Variants in XG observed in about 807,000 individuals in gnomAD.
XG encodes the protein glycoprotein Xg.
XG carries 24 observed loss-of-function variants against 25.7 expected under a neutral mutation model. The ratio of observed to expected loss-of-function variants is 0.93; its 90% CI spans 0.68 to 1.31. The LOEUF (loss-of-function observed/expected upper bound fraction) is 1.31, where lower values mean the gene tolerates loss of function less well. Ranked by LOEUF, XG falls within the 40% of genes most tolerant of loss-of-function variation. The pLI, the probability that XG is intolerant of heterozygous loss-of-function variation, is 0.00. For missense variants in XG, 181 were observed against 187.6 expected (o/e 0.96, Z 0.21); for synonymous variants, 77 against 69.2 (o/e 1.11, Z -0.56).
intron 3 of XG, among the ~76,000 whole-genome samples, chrX:2,775,975 A>ATT (rs2050976348): frequency 6.7e-6 from 1 of 148,156 alleles, no homozygotes; most frequent in Non-Finnish European, 1.5e-5. Context: ...AAAAAAAAGA[A>ATT]AAGAAAAGAA....
intron 1 of XG, among the ~76,000 whole-genome samples, chrX:2,758,856 C>G (rs1203302227): frequency 6.6e-6 from 1 of 152,192 alleles, no homozygotes; most frequent in Non-Finnish European, 1.5e-5. Flanking sequence ...ATCTATCTAT[C>G]GTCTACCATT....
At chrX:2,807,101 C>A (rs2087005339) in intron 8 of XG, among the ~76,000 whole-genome samples, 1 of 100,099 alleles carries the variant, frequency 1.0e-5, no homozygotes, top group Non-Finnish European at 2.0e-5. Flanking sequence ...TGCATAAGTG[C>A]ATGTGGATTT....
At chrX:2,775,880 C>G (rs1471160601) in intron 3 of XG, among the ~76,000 whole-genome samples, 1 of 142,210 alleles carries the variant, frequency 7.0e-6, no homozygotes, top group Admixed American at 7.2e-5. Context: ...CACTTGAACC[C>G]GGGAGGTGGA....
At chrX:2,769,804 C>A (rs1274318516) in intron 1 of XG, among the ~76,000 whole-genome samples, 1 of 152,216 alleles carries the variant, frequency 6.6e-6, no homozygotes, top group Admixed American at 6.5e-5. Context: ...ACACAGGTTG[C>A]TTCCTGACCC....
chrX:2,783,252 A>T (rs919021994), intron 4 of XG, among the ~76,000 whole-genome samples: 3 of 107,876 alleles, frequency 2.8e-5, no homozygotes, highest in Non-Finnish European at 5.7e-5. Flanking sequence ...ATTTTTTCTA[A>T]CATTTGGCAG....
At chrX:2,798,929 G>A (rs1400860729) in intron 7 of XG, among the ~76,000 whole-genome samples, 1 of 106,054 alleles carries the variant, frequency 9.4e-6, no homozygotes, top group East Asian at 2.9e-4. Context: ...GGCTTTGTGA[G>A]AGCCAAGGCT....
chrX:2,758,082 A>C (rs1228430170), intron 1 of XG, among the ~76,000 whole-genome samples: 2 of 151,134 alleles, frequency 1.3e-5, no homozygotes, highest in African/African-American at 2.4e-5. Flanking sequence ...GCCTCATCCT[A>C]CGTCTCAGTT....
intron 1 of XG, among the ~76,000 whole-genome samples, chrX:2,767,955 T>A (rs2050736266): frequency 6.6e-6 from 1 of 152,152 alleles, no homozygotes; most frequent in Non-Finnish European, 1.5e-5. Flanking sequence ...ACTTCCTCTG[T>A]GACCCTCCCC....
At chrX:2,780,180 G>T (rs1193836652) in intron 3 of XG, among the ~76,000 whole-genome samples, 2 of 151,418 alleles carry the variant, frequency 1.3e-5, no homozygotes, top group African/African-American at 2.4e-5. Context: ...CAGACGGATG[G>T]TGAAAAAAAG....
At chrX:2,768,965 G>T (rs769808051) in intron 1 of XG, among the ~76,000 whole-genome samples, 47 of 152,234 alleles carry the variant, frequency 3.1e-4, no homozygotes, top group African/African-American at 1.1e-3. Context: ...TGATGGCACC[G>T]CCAGCTCCCA....
rs185973399 is a variant in XG at position 2,810,035 on chromosome X, G to A, written c.455-1301G>A. 1.5e-3 allele frequency among the ~76,000 whole-genome samples: 165 copies of A among 112,175 alleles called. 3 individuals are homozygous for A. The highest frequency in any genetic ancestry group is 3.8e-4 in the South Asian group (1 of 2,659). ...TGTGGAGCGTGTTCATGTAGGGAGG[G>A]GAAGAATAGAGGGCTGTCTCTCCCA... On this transcript the variant is annotated intron_variant, in intron 9 of 10. Transcript: ENST00000644266.
intron 1 of XG, among the ~76,000 whole-genome samples, chrX:2,762,588 C>A (rs181645818): frequency 2.6e-5 from 4 of 152,224 alleles, no homozygotes. Flanking sequence ...GAAATATAAA[C>A]TTCTTAACCA....
At chrX:2,764,073 A>G (rs935427999) in intron 1 of XG, among the ~76,000 whole-genome samples, 1 of 152,198 alleles carries the variant, frequency 6.6e-6, no homozygotes, top group Admixed American at 6.5e-5. Flanking sequence ...TGCCGTAAAG[A>G]AGTCGGCCAA....
At chrX:2,771,014 T>G (rs989561333) in intron 2 of XG, among the ~76,000 whole-genome samples, 1 of 151,964 alleles carries the variant, frequency 6.6e-6, no homozygotes, top group African/African-American at 2.4e-5. Flanking sequence ...GCCAAGCTAA[T>G]TTTTTTCTTT....
chrX:2,763,302 C>A (rs1172075208), intron 1 of XG, among the ~76,000 whole-genome samples: 2 of 152,142 alleles, frequency 1.3e-5, no homozygotes, highest in Non-Finnish European at 2.9e-5. Flanking sequence ...GTGTGAGCCA[C>A]CATGCCCAGC....
At chrX:2,773,585 AGGAAGG>A (rs2050891920) in intron 2 of XG, among the ~76,000 whole-genome samples, 2 of 41,882 alleles carry the variant, frequency 4.8e-5, no homozygotes, top group African/African-American at 2.0e-4. Flanking sequence ...GAAGGAGAGA[AGGAAGG>A]AAGGAGAGAA....
At chrX:2,767,834 G>A (rs1182225630) in intron 1 of XG, among the ~76,000 whole-genome samples, 1 of 152,166 alleles carries the variant, frequency 6.6e-6, no homozygotes, top group Non-Finnish European at 1.5e-5. Flanking sequence ...TTTATGTAAC[G>A]AGGTCTGGAT....
At chrX:2,810,136 A>C (rs1041055682) in intron 9 of XG, among the ~76,000 whole-genome samples, 10 of 112,044 alleles carry the variant, frequency 8.9e-5, no homozygotes, top group African/African-American at 1.6e-4. Context: ...TCTTCCCCCC[A>C]GCATGGCAGC....
intron 4 of XG, among the ~76,000 whole-genome samples, chrX:2,787,133 C>T (rs769659361): frequency 8.0e-5 from 8 of 100,066 alleles, no homozygotes; most frequent in African/African-American, 3.0e-4. Flanking sequence ...GCCCAGCCCA[C>T]ACCTGGATCT....
Sources: allele counts gnomAD v4.1 joint callset (sites outside exome capture counted in the v4.1 genomes callset), GRCh38; gene constraint gnomAD v4.1.1; transcripts MANE v1.5; gene names NCBI Gene and HGNC (gene_info 2026-07-23, HGNC 2026-07-21).